CNTN6: variants seen among roughly 807,000 people sequenced by gnomAD.
CNTN6 encodes contactin 6.
CNTN6 carries 137 observed loss-of-function variants against 122.8 expected under a neutral mutation model. The ratio of observed to expected loss-of-function variants is 1.12; its 90% CI spans 0.97 to 1.29. The LOEUF (loss-of-function observed/expected upper bound fraction) is 1.29, where lower values mean the gene tolerates loss of function less well. Among genes scored for constraint, CNTN6 ranks in the 50% most tolerant of loss-of-function variants. The pLI, the probability that CNTN6 is intolerant of heterozygous loss-of-function variation, is 0.00. For synonymous variants in CNTN6, 570 were observed against 426.0 expected (o/e 1.34, Z -4.16); for missense variants, 1,634 against 1,223.4 (o/e 1.34, Z -5.01).
Position 1,301,086 on chromosome 3 carries a change from G to T in CNTN6, c.761+3095G>T, listed in dbSNP as rs188358318. ...GAGTCTAACTCTGTCGCCCAGGCTG[G>T]AGTGCAATGGCACGATCTCGGCTCA... On this transcript the variant is annotated intron_variant, in intron 7 of 22. Coordinates refer to ENST00000446702, the MANE Select transcript of CNTN6 (RefSeq NM_001289080.2). Among the ~76,000 whole-genome samples, 648 of 138,886 alleles carry T rather than the reference G, an allele frequency of 4.7e-3. 1 individual carries two copies. The highest frequency in any genetic ancestry group is 0.017 in the African/African-American group (617 of 36,638). The allele number at this position is 138,886 out of a possible 152,430, so 91.1% of individuals were successfully genotyped here.
At position 1,384,790 on chromosome 3, in the gene CNTN6, T is replaced by C. The variant is rs1463146275; in HGVS notation, c.2518-821T>C. 3.9e-3 allele frequency among the ~76,000 whole-genome samples: 533 copies of C among 136,036 alleles called. 5 individuals carry two copies. Among genetic ancestry groups the C allele is most frequent in the African/African-American group, 0.016 (506 of 32,412 alleles). 89.2% of individuals were successfully genotyped at this position (136,036 alleles called of 152,430 possible). A position where few individuals can be genotyped will look rare whatever the true frequency, so the allele number is the denominator to read the frequency against. Reference sequence around the variant, plus strand: ...ATATACACATATATATATATATATATATATATACACACACACACACACATA... The same window carrying C: ...ATATACACATATATATATATATATACATATATACACACACACACACACATA... On this transcript the variant is annotated intron_variant, in intron 19 of 22. Coordinates refer to ENST00000446702, the MANE Select transcript of CNTN6 (RefSeq NM_001289080.2).
At chr3:1,213,173 C>T (rs2094072077) in intron 2 of CNTN6, among the ~76,000 whole-genome samples, 1 of 152,078 alleles carries the variant, frequency 6.6e-6, no homozygotes, top group South Asian at 2.1e-4. Flanking sequence ...TATTATTAAG[C>T]CAAGTTATAC....
Position 1,321,781 on chromosome 3 carries a change from T to C in CNTN6, c.893T>C (p.Ile298Thr), listed in dbSNP as rs1278222958. ...GAAGATGAAGGCTTTTATGAGTGCATTGCAAGCAACCTTCGAGGAAGAAAC... is the reference window on the plus strand; with the variant it reads ...GAAGATGAAGGCTTTTATGAGTGCACTGCAAGCAACCTTCGAGGAAGAAAC... ...QQEDEGFYEC[I>T]ASNLRGRNLA... Residue 298 changes from isoleucine to threonine, a missense_variant, in exon 8 of 23, where the codon ATT (isoleucine) becomes ACT (threonine). Ile to Thr is a moderately conservative substitution (Grantham distance 89). Coordinates refer to ENST00000446702, the MANE Select transcript of CNTN6 (RefSeq NM_001289080.2). The C allele has an allele frequency of 1.9e-6, 3 of 1,611,478 alleles. No homozygotes were observed. Among genetic ancestry groups the C allele is most frequent in the Non-Finnish European group, 2.5e-6 (3 of 1,178,452 alleles).
chr3:1,102,900 G>A (rs1410683917), intron 1 of CNTN6, among the ~76,000 whole-genome samples: 1 of 150,894 alleles, frequency 6.6e-6, no homozygotes, highest in African/African-American at 2.4e-5. Flanking sequence ...GAGATCAGGA[G>A]ATCGAGACCA....
intron 5 of CNTN6, among the ~76,000 whole-genome samples, chr3:1,279,375 A>G (rs1331024163): frequency 3.5e-5 from 1 of 28,730 alleles, no homozygotes; most frequent in Non-Finnish European, 7.3e-5. Flanking sequence ...ACAAACCAAT[A>G]TCACACTATA....
intron 2 of CNTN6, among the ~76,000 whole-genome samples, chr3:1,159,041 C>T (rs1487855859): frequency 6.7e-6 from 1 of 149,730 alleles, no homozygotes; most frequent in Non-Finnish European, 1.5e-5. Context: ...TTGCTTAAGA[C>T]TCCCAAGTAA....
chr3:1,392,265 A>G (rs1459450222), intron 20 of CNTN6, among the ~76,000 whole-genome samples: 4 of 152,242 alleles, frequency 2.6e-5, no homozygotes, highest in African/African-American at 9.6e-5. Context: ...ATCTACAGCT[A>G]TCTGATCTTT....
intron 4 of CNTN6, among the ~76,000 whole-genome samples, chr3:1,276,111 A>G (rs1692305254): frequency 6.6e-6 from 1 of 152,244 alleles, no homozygotes. Flanking sequence ...AGACTTTAAA[A>G]GATAAAGACA....
chr3:1,285,653 G>C (rs765935698), intron 5 of CNTN6, among the ~76,000 whole-genome samples: 1 of 152,128 alleles, frequency 6.6e-6, no homozygotes, highest in Non-Finnish European at 1.5e-5. Context: ...AAAATTGTTA[G>C]TGTTAGCTAA....
intron 4 of CNTN6, among the ~76,000 whole-genome samples, chr3:1,243,229 C>T (rs1025708312): frequency 5.9e-5 from 9 of 152,224 alleles, no homozygotes; most frequent in South Asian, 2.1e-4. Context: ...TCCTGAGCTG[C>T]GGGCATTCCT....
chr3:1,318,272 A>G (rs1299702319), intron 7 of CNTN6, among the ~76,000 whole-genome samples: 1 of 151,450 alleles, frequency 6.6e-6, no homozygotes, highest in Non-Finnish European at 1.5e-5. Flanking sequence ...TAAGTTCTCA[A>G]CATATGTTCA....
chr3:1,285,167 T>C (rs781604626), intron 5 of CNTN6, among the ~76,000 whole-genome samples: 2 of 152,126 alleles, frequency 1.3e-5, no homozygotes, highest in Admixed American at 6.5e-5. Flanking sequence ...TGTAGACAGA[T>C]AGATAATTAC....
intron 2 of CNTN6, among the ~76,000 whole-genome samples, chr3:1,168,589 T>C (rs1254310308): frequency 6.6e-6 from 1 of 151,782 alleles, no homozygotes; most frequent in South Asian, 2.1e-4. Flanking sequence ...CTTGGGAGTG[T>C]TGAATGTTGA....
At chr3:1,278,596 T>C (rs1316203363) in intron 5 of CNTN6, 88 bp downstream of exon 5, 7 of 759,922 alleles carry the variant, frequency 9.2e-6, no homozygotes, top group Non-Finnish European at 1.5e-5. Context: ...AGTGATCACC[T>C]TTTATCAAAT....
chr3:1,349,572 A>T (rs1329060412), intron 11 of CNTN6, among the ~76,000 whole-genome samples: 1 of 151,864 alleles, frequency 6.6e-6, no homozygotes, highest in Non-Finnish European at 1.5e-5. Flanking sequence ...CATCAATTAA[A>T]ATGTTCCAGT....
At chr3:1,284,538 TCAA>T (rs1201749067) in intron 5 of CNTN6, among the ~76,000 whole-genome samples, 1 of 152,164 alleles carries the variant, frequency 6.6e-6, no homozygotes, top group African/African-American at 2.4e-5. Context: ...GGGTATTCAC[TCAA>T]CAAATATTTA....
chr3:1,199,871 T>C (rs1009474229), intron 2 of CNTN6, among the ~76,000 whole-genome samples: 2 of 152,176 alleles, frequency 1.3e-5, no homozygotes, highest in Non-Finnish European at 2.9e-5. Flanking sequence ...TCTTCCATTC[T>C]ACCACCAAAA....
intron 4 of CNTN6, among the ~76,000 whole-genome samples, chr3:1,245,258 CAT>C (rs545041480): frequency 0.037 from 147 of 3,932 alleles, 16 homozygotes; most frequent in African/African-American, 0.11. Flanking sequence ...ATATATATAA[CAT>C]ATATATATAT....
intron 17 of CNTN6, 115 bp downstream of exon 17, chr3:1,377,190 A>G (rs113952683): frequency 1.6e-6 from 1 of 618,848 alleles, no homozygotes; most frequent in Admixed American, 3.2e-5. Context: ...AAAATATGGT[A>G]TAAAAATACA....
Sources: allele counts gnomAD v4.1 joint callset (sites outside exome capture counted in the v4.1 genomes callset), GRCh38; gene constraint gnomAD v4.1.1; transcripts MANE v1.5; gene names NCBI Gene and HGNC (gene_info 2026-07-23, HGNC 2026-07-21).